RFXANK: variants seen among roughly 807,000 people sequenced by gnomAD.
RFXANK encodes DNA-binding protein RFXANK.
A neutral mutation model predicts 34.5 loss-of-function variants in RFXANK; 19 were observed. The observed-to-expected ratio is 0.55, with a 90% CI of 0.38 to 0.81. RFXANK has a LOEUF of 0.81. RFXANK is among the 30% of genes least tolerant of loss of function. The probability of loss-of-function intolerance (pLI) is 0.00; values close to 1 mark genes in which losing one functional copy is unlikely to be tolerated. For synonymous variants in RFXANK, 154 were observed against 149.8 expected (o/e 1.03, Z -0.20); for missense variants, 295 against 343.5 (o/e 0.86, Z 1.12).
At chr19:19,194,950 C>T (rs1307873395) in intron 3 of RFXANK, among the ~76,000 whole-genome samples, 1 of 152,098 alleles carries the variant, frequency 6.6e-6, no homozygotes, top group Non-Finnish European at 1.5e-5. Flanking sequence ...CTCCCACGAC[C>T]TTTGTTGCTG....
In RFXANK at chr19:19,198,202, G is replaced by A; in HGVS notation, c.534G>A (p.Glu178=). Residue 178 remains glutamate, a synonymous_variant, in exon 7 of 10, where the codon GAG becomes GAA. Coordinates refer to ENST00000303088, the MANE Select transcript of RFXANK (RefSeq NM_003721.4). ...CAGACATTGTGGGGCTGCTGCTGGAGCGTGACGTGGACATCAACATCTATG... is the reference window on the plus strand; with the variant it reads ...CAGACATTGTGGGGCTGCTGCTGGAACGTGACGTGGACATCAACATCTATG... ...GYTDIVGLLL[E]RDVDINIYDW... 1.2e-6 allele frequency: 2 copies of A among 1,614,204 alleles called. No individual in the cohort carries two copies. The highest frequency in any genetic ancestry group is 1.7e-6 in the Non-Finnish European group (2 of 1,180,044).
chr19:19,198,378 T>C (rs2060639174), intron 7 of RFXANK, 146 bp downstream of exon 7: 11 of 1,323,202 alleles, frequency 8.3e-6, no homozygotes, highest in South Asian at 6.3e-5. Context: ...AGAGCAGAGC[T>C]CCCCATGCAG....
At chr19:19,194,881 A>C (rs528553030) in intron 3 of RFXANK, among the ~76,000 whole-genome samples, 1 of 152,142 alleles carries the variant, frequency 6.6e-6, no homozygotes, top group South Asian at 2.1e-4. Context: ...TGTTTTACTT[A>C]CTGAGGAACT....
In RFXANK at chr19:19,198,131, A is replaced by C. The variant is rs765659642; in HGVS notation, c.463A>C (p.Lys155Gln). 1 of 1,614,046 alleles carries C rather than the reference A, an allele frequency of 6.2e-7. No individual in the cohort carries two copies. Among genetic ancestry groups the C allele is most frequent in the Non-Finnish European group, 8.5e-7 (1 of 1,179,988 alleles). ...GGGTGCCGACCCCCACATCCTGGCA[A>C]AAGAGCGAGAGAGCGCCCTGTCGCT... ...EWGADPHILAKERESALSLAS... is the reference protein window; with the variant it reads ...EWGADPHILAQERESALSLAS... The change falls in exon 7 of 10, where the codon AAA (lysine) becomes CAA (glutamine). Residue 155 changes from lysine to glutamine, a missense_variant. Lys to Gln is a moderately conservative substitution (Grantham distance 53). Coordinates refer to ENST00000303088, the MANE Select transcript of RFXANK (RefSeq NM_003721.4).
At chr19:19,195,036 C>T (rs1426052752) in intron 3 of RFXANK, among the ~76,000 whole-genome samples, 1 of 147,800 alleles carries the variant, frequency 6.8e-6, no homozygotes, top group African/African-American at 2.6e-5. Flanking sequence ...TTCCCGCCTC[C>T]GTTTTTTTTT....
intron 9 of RFXANK, among the ~76,000 whole-genome samples, 186 bp downstream of exon 9, chr19:19,199,420 C>G (rs2060658877): frequency 6.6e-6 from 1 of 152,096 alleles, no homozygotes; most frequent in African/African-American, 2.4e-5. Flanking sequence ...TCCACATGTG[C>G]TGGGGTAGGG....
chr19:19,197,888 T>C (rs1481197761), intron 6 of RFXANK, among the ~76,000 whole-genome samples: 1 of 151,866 alleles, frequency 6.6e-6, no homozygotes, highest in South Asian at 2.1e-4. Flanking sequence ...GGTGGGTGCC[T>C]GTAATCCCAG....
In RFXANK at chr19:19,201,473, C is replaced by T. The variant is rs1349140946; in HGVS notation, c.713-176C>T. 5.7e-6 allele frequency: 9 copies of T among 1,575,610 alleles called. No individual in the cohort carries two copies. In the South Asian group the frequency reaches 7.9e-5, roughly 14 times the overall value. ...AGCTACAAAAGTGCATTTTTACAAA[C>T]TTAGGGGAAGTTGAGGTTCCTGGGG... On this transcript the variant is annotated intron_variant, in intron 9 of 9. Transcript: ENST00000303088.
chr19:19,201,332 C>T, intron 9 of RFXANK: 1 of 797,836 alleles, frequency 1.3e-6, no homozygotes, highest in Non-Finnish European at 2.0e-6. Flanking sequence ...CCCCACTGGA[C>T]CTCCCAAAGT....
In RFXANK at chr19:19,195,150, C is replaced by T. The variant is rs539794093; in HGVS notation, c.187+1017C>T. On this transcript the variant is annotated intron_variant, in intron 3 of 9. Transcript: ENST00000303088. ...CTTGGCTCACTGCAAGCTCCACCTC[C>T]CGTGTTCACGCCATTCTCCTGCTTC... Among the ~76,000 whole-genome samples the T allele has an allele frequency of 2.0e-5, 3 of 150,726 alleles. No homozygotes were observed. In the East Asian group the frequency reaches 5.9e-4, roughly 29 times the overall value.
rs780926195 is a variant in RFXANK, at chr19:19,198,680, C to T, written c.588C>T (p.Tyr196=). ...AGAATGGAGGGACGCCACTGCTGTA[C>T]GCTGTGCGCGGGAACCACGTGAAAT... ...YDWNGGTPLL[Y]AVRGNHVKCV... The change falls in exon 8 of 10, where the codon TAC becomes TAT. Residue 196 remains tyrosine, a synonymous_variant. Coordinates refer to ENST00000303088, the MANE Select transcript of RFXANK (RefSeq NM_003721.4). 1.1e-5 allele frequency: 18 copies of T among 1,613,738 alleles called. No individual in the cohort carries two copies. The highest frequency in any genetic ancestry group is 1.6e-4 in the Middle Eastern group (1 of 6,084).
At chr19:19,198,525 G>A (rs1225278335) in intron 7 of RFXANK, 132 bp from the exon 8 acceptor site, 1 of 1,144,684 alleles carries the variant, frequency 8.7e-7, no homozygotes, top group African/African-American at 1.5e-5. Flanking sequence ...CTAAGCTTGA[G>A]ACCCCAGAAA....
At position 19,198,159 on chromosome 19, in the gene RFXANK, C is replaced by G; in HGVS notation, c.491C>G (p.Ala164Gly). Residue 164 changes from alanine to glycine, a missense_variant, in exon 7 of 10, where the codon GCC becomes GGC. Coordinates refer to ENST00000303088, the MANE Select transcript of RFXANK (RefSeq NM_003721.4). ...AKERESALSL[A>G]STGGYTDIVG... ...GAGCGAGAGAGCGCCCTGTCGCTGG[C>G]CAGCACAGGCGGCTACACAGACATT... The G allele has an allele frequency of 6.2e-7, 1 of 1,614,170 alleles. No individual in the cohort carries two copies. Among genetic ancestry groups the G allele is most frequent in the Non-Finnish European group, 8.5e-7 (1 of 1,180,020 alleles).
chr19:19,197,198 A>ACCAGCTC lies in RFXANK; in HGVS notation c.285_291dup (p.Ala98ProfsTer19). 1 of 1,613,844 alleles carries ACCAGCTC rather than the reference A, an allele frequency of 6.2e-7. No homozygotes were observed. Among genetic ancestry groups the ACCAGCTC allele is most frequent in the Non-Finnish European group, 8.5e-7 (1 of 1,180,014 alleles). ...TGTCCTGCCCCAGCCCTGTCCATCC[A>ACCAGCTC]CCAGCTCGCAGCACAGGGGGAGCTG... On this transcript the variant is annotated frameshift_variant, in exon 5 of 10. Coordinates refer to ENST00000303088, the MANE Select transcript of RFXANK (RefSeq NM_003721.4). LOFTEE classifies it high-confidence loss of function.
At chr19:19,198,035 C>A (rs1345188798) in intron 6 of RFXANK, 72 bp from the exon 7 acceptor site, 2 of 1,556,010 alleles carry the variant, frequency 1.3e-6, no homozygotes, top group Non-Finnish European at 1.8e-6. Flanking sequence ...AAAGATGCGG[C>A]TGCTGTGGGT....
chr19:19,195,130 C>T (rs1339774371), intron 3 of RFXANK, among the ~76,000 whole-genome samples: 2 of 150,108 alleles, frequency 1.3e-5, no homozygotes, highest in African/African-American at 2.5e-5. Context: ...GCAATCTTGG[C>T]TCACTGCAAG....
rs776943497 is a variant in RFXANK, at chr19:19,201,742, A to G, written c.*23A>G. ...TGAAGGCCGCCTGCCGGGGACTCAG[A>G]CACTCAGGGAACAAAATGGTCAGCC... On this transcript the variant is annotated 3_prime_UTR_variant, in exon 10 of 10. Coordinates refer to ENST00000303088, the MANE Select transcript of RFXANK (RefSeq NM_003721.4). 2.0e-5 allele frequency: 33 copies of G among 1,613,666 alleles called. No homozygotes were observed. The Middle Eastern group carries it at 4.9e-4, about 24-fold the overall frequency.
intron 3 of RFXANK, among the ~76,000 whole-genome samples, chr19:19,195,210 T>G (rs1442186216): frequency 6.8e-6 from 1 of 146,958 alleles, no homozygotes; most frequent in Non-Finnish European, 1.5e-5. Context: ...AGTCCGTTTT[T>G]TTTTTTTTTT....
chr19:19,193,413 T>C, intron 2 of RFXANK, among the ~76,000 whole-genome samples: 1 of 100,332 alleles, frequency 1.0e-5, no homozygotes, highest in African/African-American at 3.8e-5. Flanking sequence ...TTTTCCTTTC[T>C]TTTTTTTTTT....
Sources: gnomAD v4.1 joint callset for allele counts (sites outside exome capture counted in the v4.1 genomes callset) on GRCh38, gnomAD v4.1.1 for gene constraint, MANE v1.5 for transcripts, NCBI Gene and HGNC (gene_info 2026-07-23, HGNC 2026-07-21) for gene names.